The following HSD17B12 variants were observed in gnomAD, a reference collection of about 807,000 sequenced individuals.
HSD17B12 encodes the protein very-long-chain 3-oxoacyl-CoA reductase.
Under a neutral mutation model 39.3 loss-of-function variants are expected in HSD17B12, and 32 were observed. That is an observed-to-expected ratio of 0.81 (90% CI 0.61 to 1.09). HSD17B12 has a LOEUF of 1.09. Ranked by LOEUF, HSD17B12 falls within the 50% of genes least tolerant of loss-of-function variation. The pLI is 0.00. For missense variants in HSD17B12, 342 were observed against 382.9 expected, an observed-to-expected ratio of 0.89 and a Z score of 0.89; for synonymous variants, 150 against 146.7, an observed-to-expected ratio of 1.02 and a Z score of -0.16.
chr11:43,798,271 TG>T (rs1323835640), intron 3 of HSD17B12, 48 bp from the exon 4 acceptor site: 2 of 1,035,290 alleles, frequency 1.9e-6, no homozygotes, highest in African/African-American at 3.1e-5. Flanking sequence ...TTCACTGCCA[TG>T]TACTAATTTT....
chr11:43,838,302 C>T lies in HSD17B12; in HGVS notation c.537-15C>T. ...GTGGCTTCACTCCTTTTACACGGTA[C>T]ATTTTCCTTTTTAGATCCAAAGGGG... On this transcript the variant is annotated splice_polypyrimidine_tract_variant and intron_variant, in intron 7 of 10. Transcript: ENST00000278353. The T allele has an allele frequency of 6.3e-7, 1 of 1,592,234 alleles. No individual in the cohort carries two copies. The highest frequency in any genetic ancestry group is 8.6e-7 in the Non-Finnish European group (1 of 1,160,436).
chr11:43,817,002 A>G (rs1476824496), intron 6 of HSD17B12, among the ~76,000 whole-genome samples: 33 of 82,996 alleles, frequency 4.0e-4, no homozygotes, highest in African/African-American at 1.7e-3. Context: ...CTATATCTAT[A>G]TCTATATCTA....
upstream of HSD17B12, among the ~76,000 whole-genome samples, chr11:43,678,339 T>C (rs1224762670): frequency 6.6e-6 from 1 of 152,228 alleles, no homozygotes; most frequent in Non-Finnish European, 1.5e-5. Context: ...ATTAGCCCTT[T>C]GTAAGATGAG....
At chr11:43,738,244 A>G (rs1426708006) in intron 1 of HSD17B12, among the ~76,000 whole-genome samples, 1 of 151,610 alleles carries the variant, frequency 6.6e-6, no homozygotes, top group African/African-American at 2.4e-5. Flanking sequence ...TCAGGGGTCC[A>G]TGTGCAGGAT....
At chr11:43,711,412 A>G (rs937157079) in intron 1 of HSD17B12, among the ~76,000 whole-genome samples, 7 of 149,614 alleles carry the variant, frequency 4.7e-5, no homozygotes, top group Admixed American at 2.7e-4. Flanking sequence ...TGCTTCTTAT[A>G]TTTTTAGCAG....
the HSD17B12 span, among the ~76,000 whole-genome samples, chr11:43,639,605 C>G: frequency 1.3e-5 from 2 of 151,804 alleles, no homozygotes; most frequent in African/African-American, 4.8e-5. Context: ...CTCTTCTATC[C>G]ATAGAAGGAA....
chr11:43,620,969 C>G, the HSD17B12 span, among the ~76,000 whole-genome samples: 1 of 152,186 alleles, frequency 6.6e-6, no homozygotes, highest in Non-Finnish European at 1.5e-5. Context: ...ACACAATGTT[C>G]CTTAAATCAC....
intron 6 of HSD17B12, among the ~76,000 whole-genome samples, chr11:43,829,344 C>G (rs1951284395): frequency 1.3e-5 from 2 of 152,128 alleles, no homozygotes; most frequent in African/African-American, 4.8e-5. Context: ...GAACATGTCC[C>G]TACATAAAAG....
chr11:43,850,468 T>A (rs1951519859), intron 9 of HSD17B12, among the ~76,000 whole-genome samples: 1 of 152,178 alleles, frequency 6.6e-6, no homozygotes, highest in South Asian at 2.1e-4. Context: ...ACTGTGCAAA[T>A]ACACTAGACC....
chr11:43,843,276 G>A (rs778865669), intron 9 of HSD17B12, among the ~76,000 whole-genome samples: 14 of 152,322 alleles, frequency 9.2e-5, no homozygotes, highest in Middle Eastern at 3.4e-3. Flanking sequence ...CAAAAAAAAT[G>A]TAGTCTAAAT....
chr11:43,660,622 A>C, the HSD17B12 span, among the ~76,000 whole-genome samples: 1 of 152,252 alleles, frequency 6.6e-6, no homozygotes. Context: ...ACAGTTTGGC[A>C]GTTTCTTCTA....
At chr11:43,566,005 C>T in the HSD17B12 span, among the ~76,000 whole-genome samples, 3 of 146,378 alleles carry the variant, frequency 2.0e-5, no homozygotes, top group Non-Finnish European at 1.5e-5. Flanking sequence ...TTCTGGAGAA[C>T]CCAGCCAGGG....
the HSD17B12 span, chr11:43,569,366 T>C: frequency 1.3e-5 from 2 of 152,186 alleles, no homozygotes; most frequent in Non-Finnish European, 2.9e-5. Flanking sequence ...TCCTGAGCAA[T>C]TGGTTGTCAT....
the HSD17B12 span, among the ~76,000 whole-genome samples, chr11:43,611,464 C>T: frequency 1.3e-5 from 2 of 152,174 alleles, no homozygotes; most frequent in Non-Finnish European, 2.9e-5. Flanking sequence ...AGTTCTGTAG[C>T]AGCAGACATT....
chr11:43,684,795 T>C lies in HSD17B12; in HGVS notation c.160+3808T>C, dbSNP rs570628734. ...AGGGTTGTGCAACCATCATCAAATCTAATTTCAGAACATTTTCATCTTCCT... is the reference window on the plus strand; with the variant it reads ...AGGGTTGTGCAACCATCATCAAATCCAATTTCAGAACATTTTCATCTTCCT... On this transcript the variant is annotated intron_variant, in intron 1 of 10. Transcript: ENST00000278353. 2.6e-5 allele frequency among the ~76,000 whole-genome samples: 4 copies of C among 152,336 alleles called. No individual in the cohort carries two copies. In the South Asian group the frequency reaches 8.3e-4, roughly 32 times the overall value.
intron 3 of HSD17B12, among the ~76,000 whole-genome samples, chr11:43,764,849 T>A (rs1427652447): frequency 1.3e-5 from 2 of 152,034 alleles, no homozygotes; most frequent in Non-Finnish European, 2.9e-5. Flanking sequence ...CTCGCTTTTT[T>A]ATCTAAATTG....
At chr11:43,597,958 T>C in the HSD17B12 span, among the ~76,000 whole-genome samples, 4 of 152,216 alleles carry the variant, frequency 2.6e-5, no homozygotes, top group East Asian at 7.7e-4. Flanking sequence ...CTTTTTTGTA[T>C]CACTTCAAGG....
intron 1 of HSD17B12, among the ~76,000 whole-genome samples, chr11:43,716,279 A>G (rs1267773045): frequency 6.6e-6 from 1 of 152,162 alleles, no homozygotes; most frequent in Non-Finnish European, 1.5e-5. Flanking sequence ...AGCAACCACA[A>G]ACCAGAACTT....
the HSD17B12 span, among the ~76,000 whole-genome samples, chr11:43,589,736 T>C: frequency 1.3e-5 from 2 of 152,220 alleles, no homozygotes; most frequent in Non-Finnish European, 2.9e-5. Context: ...GCAAGAATGA[T>C]GAAGGCAGCA....
Sources: gnomAD v4.1 joint callset for allele counts (sites outside exome capture counted in the v4.1 genomes callset) on GRCh38, gnomAD v4.1.1 for gene constraint, MANE v1.5 for transcripts, NCBI Gene and HGNC (gene_info 2026-07-23, HGNC 2026-07-21) for gene names.